Variants in HPSE2 observed in about 807,000 individuals in gnomAD.
The protein encoded by HPSE2 is inactive heparanase-2.
In HPSE2, 38 loss-of-function variants were observed where a neutral mutation model predicts 60.5. The ratio of observed to expected loss-of-function variants is 0.63; its 90% confidence interval spans 0.48 to 0.82. The LOEUF (loss-of-function observed/expected upper bound fraction) is 0.82. HPSE2 is among the 40% of genes least tolerant of loss of function. HPSE2 has a pLI of 0.00. For missense variants in HPSE2, 713 were observed against 740.4 expected, an observed-to-expected ratio of 0.96 and a Z score of 0.43; for synonymous variants, 295 against 293.2, an observed-to-expected ratio of 1.01 and a Z score of -0.06.
intron 4 of HPSE2, among the ~76,000 whole-genome samples, chr10:98,726,686 A>G (rs1456980485): frequency 2.7e-5 from 4 of 150,686 alleles, no homozygotes; most frequent in Non-Finnish European, 5.9e-5. Context: ...TAATAGGAAA[A>G]TTTGGGGAAT....
At chr10:98,494,477 T>C (rs983925109) in intron 9 of HPSE2, among the ~76,000 whole-genome samples, 5 of 152,248 alleles carry the variant, frequency 3.3e-5, no homozygotes, top group East Asian at 3.8e-4. Context: ...TGGACCAATA[T>C]AAGCATGCCA....
intron 2 of HPSE2, among the ~76,000 whole-genome samples, chr10:99,192,427 C>T (rs968674148): frequency 6.6e-6 from 1 of 152,072 alleles, no homozygotes; most frequent in Non-Finnish European, 1.5e-5. Context: ...ATCGTATGGG[C>T]CAGGAAAGAG....
chr10:99,293,197 T>C, the HPSE2 span, among the ~76,000 whole-genome samples: 1 of 151,140 alleles, frequency 6.6e-6, no homozygotes, highest in Admixed American at 6.6e-5. Flanking sequence ...TAAAATAAAA[T>C]AGTAACATGG....
At chr10:98,656,994 C>G (rs562698880) in intron 6 of HPSE2, among the ~76,000 whole-genome samples, 1 of 152,062 alleles carries the variant, frequency 6.6e-6, no homozygotes, top group South Asian at 2.1e-4. Flanking sequence ...AACTCCTGAC[C>G]TCAGCTGATC....
intron 3 of HPSE2, among the ~76,000 whole-genome samples, chr10:98,812,345 A>C (rs1433409748): frequency 6.6e-6 from 1 of 152,162 alleles, no homozygotes; most frequent in Non-Finnish European, 1.5e-5. Context: ...AAAGGGAAAG[A>C]CAGGAATAAA....
At chr10:98,652,316 T>G (rs901468520) in intron 6 of HPSE2, among the ~76,000 whole-genome samples, 3 of 152,168 alleles carry the variant, frequency 2.0e-5, no homozygotes, top group African/African-American at 7.2e-5. Context: ...ATTGGGGATC[T>G]TTTGGTTCCC....
the HPSE2 span, among the ~76,000 whole-genome samples, chr10:99,293,223 A>G: frequency 6.6e-6 from 1 of 152,208 alleles, no homozygotes; most frequent in South Asian, 2.1e-4. Flanking sequence ...AAACAGCAAA[A>G]AGGAAAAAAA....
chr10:99,273,539 C>G, the HPSE2 span, among the ~76,000 whole-genome samples: 1 of 152,134 alleles, frequency 6.6e-6, no homozygotes, highest in Non-Finnish European at 1.5e-5. Flanking sequence ...AAAATGTTAT[C>G]TGAGAAAATT....
intron 6 of HPSE2, among the ~76,000 whole-genome samples, chr10:98,653,259 T>C (rs1005650179): frequency 1.3e-5 from 2 of 152,206 alleles, no homozygotes; most frequent in African/African-American, 2.4e-5. Flanking sequence ...ATTGGGTTTA[T>C]TGTAGGCAAC....
At chr10:98,987,141 T>C (rs530434841) in intron 3 of HPSE2, among the ~76,000 whole-genome samples, 155 of 152,216 alleles carry the variant, frequency 1.0e-3, no homozygotes, top group Non-Finnish European at 1.8e-3. Context: ...TAACTCATTT[T>C]ATGAGGCCAG....
intron 2 of HPSE2, among the ~76,000 whole-genome samples, chr10:99,190,407 A>T (rs1848178441): frequency 6.6e-6 from 1 of 152,208 alleles, no homozygotes; most frequent in South Asian, 2.1e-4. Context: ...AGATTGAAGT[A>T]CTCAATAAGT....
At chr10:98,974,511 C>A (rs546114762) in intron 3 of HPSE2, among the ~76,000 whole-genome samples, 2 of 152,014 alleles carry the variant, frequency 1.3e-5, no homozygotes, top group Non-Finnish European at 2.9e-5. Flanking sequence ...CGTGATCCAC[C>A]CGCCTTGGCC....
intron 3 of HPSE2, among the ~76,000 whole-genome samples, chr10:98,778,747 T>G (rs1232553333): frequency 6.6e-6 from 1 of 152,236 alleles, no homozygotes; most frequent in African/African-American, 2.4e-5. Flanking sequence ...CCTCAGTTTG[T>G]TCATCTATAA....
chr10:99,005,833 T>C (rs1258115018), intron 3 of HPSE2, among the ~76,000 whole-genome samples: 1 of 152,182 alleles, frequency 6.6e-6, no homozygotes, highest in Non-Finnish European at 1.5e-5. Flanking sequence ...TTTCAGTCCA[T>C]CCAGAGATTC....
chr10:98,725,350 C>G (rs534461149), intron 4 of HPSE2, among the ~76,000 whole-genome samples: 1 of 152,338 alleles, frequency 6.6e-6, no homozygotes, highest in South Asian at 2.1e-4. Context: ...CTTCAACCAT[C>G]TGATCTTTGA....
chr10:98,534,214 CTTA>C (rs746441755), intron 9 of HPSE2, among the ~76,000 whole-genome samples: 17 of 152,178 alleles, frequency 1.1e-4, no homozygotes, highest in South Asian at 2.1e-4. Context: ...CAATTTGATT[CTTA>C]AAGTTCCTTC....
chr10:99,118,990 T>G (rs1478855986), intron 3 of HPSE2, among the ~76,000 whole-genome samples: 1 of 147,102 alleles, frequency 6.8e-6, no homozygotes. Flanking sequence ...CACTCCAGCC[T>G]GGATGACAGA....
At chr10:98,791,722 TC>T (rs1389824569) in intron 3 of HPSE2, among the ~76,000 whole-genome samples, 1 of 152,178 alleles carries the variant, frequency 6.6e-6, no homozygotes, top group African/African-American at 2.4e-5. Flanking sequence ...CATACCTTTT[TC>T]TTATATTGTC....
At chr10:98,793,225 C>A (rs988200823) in intron 3 of HPSE2, among the ~76,000 whole-genome samples, 1 of 152,196 alleles carries the variant, frequency 6.6e-6, no homozygotes, top group Non-Finnish European at 1.5e-5. Flanking sequence ...CATGTCCTAT[C>A]CCTTCAGGTT....
Sources: allele counts gnomAD v4.1 joint callset (sites outside exome capture counted in the v4.1 genomes callset), GRCh38; gene constraint gnomAD v4.1.1; transcripts MANE v1.5; gene names NCBI Gene and HGNC (gene_info 2026-07-23, HGNC 2026-07-21).